Variants in SHISA6 observed in about 807,000 individuals in gnomAD.
The protein encoded by SHISA6 is protein shisa-6.
In SHISA6, 22 loss-of-function variants were observed where a neutral mutation model predicts 47.9. The ratio of observed to expected loss-of-function variants is 0.46; its 90% CI spans 0.33 to 0.66. The LOEUF is 0.66. Ranked by LOEUF, SHISA6 falls within the 30% of genes least tolerant of loss-of-function variation. SHISA6 has a pLI of 0.02. For missense variants in SHISA6, 680 were observed against 764.6 expected, an observed-to-expected ratio of 0.89 and a Z score of 1.30; for synonymous variants, 388 against 337.8, an observed-to-expected ratio of 1.15 and a Z score of -1.63.
At chr17:11,505,748 G>A (rs2071493424) in intron 3 of SHISA6, among the ~76,000 whole-genome samples, 2 of 152,192 alleles carry the variant, frequency 1.3e-5, no homozygotes, top group Admixed American at 6.5e-5. Context: ...ACTAGAAACG[G>A]TTATTCATTT....
chr17:11,445,971 G>T (rs898139867), intron 3 of SHISA6, among the ~76,000 whole-genome samples: 1 of 152,194 alleles, frequency 6.6e-6, no homozygotes, highest in Non-Finnish European at 1.5e-5. Context: ...GGGACTATAG[G>T]CAGGTGCCAC....
intron 1 of SHISA6, among the ~76,000 whole-genome samples, chr17:11,249,007 C>CG (rs1597420358): frequency 2.6e-5 from 4 of 151,886 alleles, no homozygotes; most frequent in African/African-American, 9.7e-5. Flanking sequence ...GGCTTGGTGG[C>CG]GGCGCCTGTA....
intron 2 of SHISA6, among the ~76,000 whole-genome samples, chr17:11,278,042 C>A (rs976184005): frequency 4.6e-5 from 7 of 152,078 alleles, no homozygotes; most frequent in Admixed American, 3.9e-4. Context: ...CAGTGTGGCC[C>A]ACAAGGGGAC....
chr17:11,547,255 G>A (rs2071890992), intron 3 of SHISA6, among the ~76,000 whole-genome samples: 2 of 152,102 alleles, frequency 1.3e-5, no homozygotes, highest in Admixed American at 6.6e-5. Context: ...TCTACCAAAA[G>A]AAAATATATC....
intron 3 of SHISA6, among the ~76,000 whole-genome samples, chr17:11,505,980 G>T (rs2071495554): frequency 6.6e-6 from 1 of 152,214 alleles, no homozygotes; most frequent in African/African-American, 2.4e-5. Flanking sequence ...GACCTTGAGG[G>T]ATGATGGAAT....
At chr17:11,485,934 G>T (rs1916338000) in intron 3 of SHISA6, among the ~76,000 whole-genome samples, 1 of 152,122 alleles carries the variant, frequency 6.6e-6, no homozygotes, top group Non-Finnish European at 1.5e-5. Context: ...TGGAAATCTG[G>T]CTTCATTTCT....
chr17:11,249,239 G>A (rs904113643), intron 1 of SHISA6, among the ~76,000 whole-genome samples: 6 of 151,892 alleles, frequency 4.0e-5, no homozygotes, highest in African/African-American at 1.5e-4. Context: ...GATCAATGCA[G>A]TTCAGCTCTG....
At chr17:11,422,172 GT>G (rs1299569470) in intron 3 of SHISA6, among the ~76,000 whole-genome samples, 1 of 152,208 alleles carries the variant, frequency 6.6e-6, no homozygotes, top group Non-Finnish European at 1.5e-5. Flanking sequence ...GGCTGAGCAT[GT>G]GATGAAAGCA....
chr17:11,406,558 C>T (rs757067067), intron 3 of SHISA6, among the ~76,000 whole-genome samples: 7 of 152,198 alleles, frequency 4.6e-5, no homozygotes, highest in East Asian at 3.9e-4. Context: ...ATCCTTAGCA[C>T]GTTGTGAAGT....
chr17:11,534,789 G>T (rs2071771116), intron 3 of SHISA6, among the ~76,000 whole-genome samples: 1 of 152,074 alleles, frequency 6.6e-6, no homozygotes, highest in South Asian at 2.1e-4. Flanking sequence ...CATAAAAAAG[G>T]AACTCAGTGG....
intron 2 of SHISA6, among the ~76,000 whole-genome samples, chr17:11,276,617 A>G (rs2142157234): frequency 6.6e-6 from 1 of 151,940 alleles, no homozygotes; most frequent in East Asian, 1.9e-4. Context: ...CACCACCATC[A>G]TCATCCTCAC....
chr17:11,452,929 C>T (rs1915443190), intron 3 of SHISA6, among the ~76,000 whole-genome samples: 1 of 147,424 alleles, frequency 6.8e-6, no homozygotes, highest in African/African-American at 2.5e-5. Flanking sequence ...TCCCCCTTCT[C>T]CCCCTCCTCT....
chr17:11,402,709 C>A (rs1913819527), intron 3 of SHISA6, among the ~76,000 whole-genome samples: 1 of 152,160 alleles, frequency 6.6e-6, no homozygotes, highest in African/African-American at 2.4e-5. Flanking sequence ...TTCAAGAGAG[C>A]AAGGAAACAT....
chr17:11,397,734 G>C (rs192987318), intron 3 of SHISA6, among the ~76,000 whole-genome samples: 2 of 148,638 alleles, frequency 1.3e-5, no homozygotes, highest in South Asian at 2.1e-4. Context: ...TAAGTTATTT[G>C]ATCTTTTTGT....
chr17:11,556,603 T>C (rs1338936081), intron 5 of SHISA6, among the ~76,000 whole-genome samples: 1 of 152,144 alleles, frequency 6.6e-6, no homozygotes, highest in Non-Finnish European at 1.5e-5. Context: ...GAGCATTTGC[T>C]TGAAAGCTTC....
intron 2 of SHISA6, among the ~76,000 whole-genome samples, chr17:11,376,822 A>T (rs1176966864): frequency 6.6e-6 from 1 of 152,146 alleles, no homozygotes; most frequent in East Asian, 1.9e-4. Context: ...TCATCTGGGA[A>T]CTTGTTAGGA....
At chr17:11,380,588 C>T (rs1444639702) in intron 3 of SHISA6, 1 of 152,166 alleles carries the variant, frequency 6.6e-6, no homozygotes, top group East Asian at 1.9e-4. Flanking sequence ...TTAACTCAAA[C>T]CTGGGATTGC....
intron 3 of SHISA6, among the ~76,000 whole-genome samples, chr17:11,454,229 A>G (rs867538701): frequency 1.2e-4 from 18 of 152,006 alleles, no homozygotes; most frequent in African/African-American, 4.4e-4. Context: ...CCTCCAAACT[A>G]TAGCTTCCAA....
chr17:11,532,481 G>T (rs1032372830), intron 3 of SHISA6, among the ~76,000 whole-genome samples: 1 of 151,986 alleles, frequency 6.6e-6, no homozygotes, highest in Admixed American at 6.5e-5. Flanking sequence ...GGCTGTGCGC[G>T]CGCGTGTGTG....
Sources: gnomAD v4.1 joint callset for allele counts (sites outside exome capture counted in the v4.1 genomes callset) on GRCh38, gnomAD v4.1.1 for gene constraint, MANE v1.5 for transcripts, NCBI Gene and HGNC (gene_info 2026-07-23, HGNC 2026-07-21) for gene names.